AK4: variants seen among roughly 807,000 people sequenced by gnomAD.
AK4 encodes the protein adenylate kinase 4, mitochondrial.
Under a neutral mutation model 24.6 loss-of-function variants are expected in AK4, and 13 were observed. The ratio of observed to expected loss-of-function variants is 0.53; its 90% CI spans 0.34 to 0.84. The LOEUF is 0.84. Ranked by LOEUF, AK4 falls within the 40% of genes least tolerant of loss-of-function variation. The pLI, the probability that AK4 is intolerant of heterozygous loss-of-function variation, is 0.01. For missense variants in AK4, 192 were observed against 288.2 expected (o/e 0.67, Z 2.42); for synonymous variants, 88 against 107.0 (o/e 0.82, Z 1.10).
intron 1 of AK4, among the ~76,000 whole-genome samples, chr1:65,172,700 C>G (rs1017678430): frequency 1.3e-4 from 20 of 152,172 alleles, no homozygotes; most frequent in African/African-American, 4.6e-4. Context: ...AAAGCAAAAT[C>G]TGGCAGAGTT....
chr1:65,167,460 ATTT>A (rs565198195), intron 1 of AK4, among the ~76,000 whole-genome samples: 4 of 144,314 alleles, frequency 2.8e-5, no homozygotes, highest in African/African-American at 1.0e-4. Context: ...AGGGAGATAG[ATTT>A]TTTTTTTTTT....
intron 1 of AK4, among the ~76,000 whole-genome samples, chr1:65,175,604 C>T (rs999821575): frequency 1.3e-5 from 2 of 152,192 alleles, no homozygotes; most frequent in African/African-American, 2.4e-5. Flanking sequence ...GCGTCTAGTA[C>T]TTGGGCTGTG....
At chr1:65,224,017 A>G (rs1652378044) in intron 3 of AK4, among the ~76,000 whole-genome samples, 1 of 152,184 alleles carries the variant, frequency 6.6e-6, no homozygotes. Context: ...AATAAAATAA[A>G]ACCTGTATTA....
chr1:65,155,371 G>A (rs1392912893), intron 1 of AK4, among the ~76,000 whole-genome samples: 1 of 152,076 alleles, frequency 6.6e-6, no homozygotes, highest in Non-Finnish European at 1.5e-5. Flanking sequence ...TACTTAAGAG[G>A]CTGAGGCAGG....
chr1:65,180,753 A>G (rs1650874699), intron 1 of AK4, among the ~76,000 whole-genome samples: 1 of 152,234 alleles, frequency 6.6e-6, no homozygotes, highest in Non-Finnish European at 1.5e-5. Context: ...TTGAAGAATT[A>G]TAAAGCTCTA....
At chr1:65,217,881 T>C (rs1241826938) in intron 2 of AK4, among the ~76,000 whole-genome samples, 1 of 152,222 alleles carries the variant, frequency 6.6e-6, no homozygotes, top group Non-Finnish European at 1.5e-5. Flanking sequence ...TTTTTCCAGC[T>C]TTATCGCGGT....
chr1:65,209,155 G>A (rs1651899905), intron 2 of AK4, among the ~76,000 whole-genome samples: 1 of 152,228 alleles, frequency 6.6e-6, no homozygotes, highest in Non-Finnish European at 1.5e-5. Context: ...GGGGATGAGG[G>A]ATAGCGATAG....
chr1:65,156,471 T>C (rs537345430), intron 1 of AK4, among the ~76,000 whole-genome samples: 1 of 152,364 alleles, frequency 6.6e-6, no homozygotes, highest in Non-Finnish European at 1.5e-5. Flanking sequence ...TAAAAAGATA[T>C]CTGCATTATT....
intron 1 of AK4, among the ~76,000 whole-genome samples, chr1:65,179,567 G>A (rs143335869): frequency 4.2e-4 from 64 of 152,298 alleles, no homozygotes; most frequent in Middle Eastern, 3.4e-3. Context: ...GGCCAGGTGT[G>A]GTGGCTCATG....
chr1:65,180,905 T>C (rs762881544), intron 1 of AK4, among the ~76,000 whole-genome samples: 25 of 152,204 alleles, frequency 1.6e-4, no homozygotes, highest in Non-Finnish European at 3.2e-4. Flanking sequence ...TTCTGTCCCA[T>C]ACATGCAGTC....
intron 2 of AK4, among the ~76,000 whole-genome samples, chr1:65,206,802 G>A (rs577216165): frequency 9.2e-5 from 14 of 152,310 alleles, no homozygotes; most frequent in Admixed American, 2.6e-4. Context: ...AACAAACCAC[G>A]CAGAATTCTT....
At chr1:65,190,929 T>C (rs1651286425) in intron 2 of AK4, 100 bp downstream of exon 2, 7 of 1,380,004 alleles carry the variant, frequency 5.1e-6, no homozygotes, top group Non-Finnish European at 6.7e-6. Flanking sequence ...CCTTATTTTC[T>C]AAACTTTCTG....
intron 1 of AK4, chr1:65,154,332 A>G: frequency 3.1e-6 from 1 of 321,900 alleles, no homozygotes; most frequent in Non-Finnish European, 6.4e-6. Context: ...TGAATGTGCT[A>G]TAGGGTTGAA....
At chr1:65,154,450 C>A in intron 1 of AK4, 1 of 494,258 alleles carries the variant, frequency 2.0e-6, no homozygotes, top group South Asian at 1.5e-5. Context: ...TAGCTCCTTC[C>A]TTTTATCTTG....
intron 2 of AK4, among the ~76,000 whole-genome samples, chr1:65,199,493 G>A (rs563434866): frequency 3.3e-5 from 5 of 152,276 alleles, no homozygotes; most frequent in African/African-American, 1.2e-4. Context: ...AGGTTGCAGT[G>A]AGCCGAGATC....
chr1:65,157,284 G>C (rs1355381173), intron 1 of AK4, among the ~76,000 whole-genome samples: 1 of 152,184 alleles, frequency 6.6e-6, no homozygotes, highest in Non-Finnish European at 1.5e-5. Flanking sequence ...GTCCCCTGTT[G>C]ATTGGAATTC....
intron 2 of AK4, among the ~76,000 whole-genome samples, chr1:65,214,267 T>A (rs1304177549): frequency 1.3e-5 from 2 of 152,158 alleles, no homozygotes; most frequent in Non-Finnish European, 2.9e-5. Flanking sequence ...TGGGCCACCA[T>A]GCCTGGCTTA....
chr1:65,225,236 C>T (rs1652417083), intron 4 of AK4, among the ~76,000 whole-genome samples: 2 of 152,122 alleles, frequency 1.3e-5, no homozygotes, highest in Non-Finnish European at 2.9e-5. Context: ...TTAGAAGACA[C>T]TTGGTGTGTC....
chr1:65,207,182 CTTT>C (rs760771064), intron 2 of AK4, among the ~76,000 whole-genome samples: 1 of 152,128 alleles, frequency 6.6e-6, no homozygotes, highest in East Asian at 1.9e-4. Flanking sequence ...TTTTTAAAGT[CTTT>C]TTCTTTTTCT....
Sources: allele counts gnomAD v4.1 joint callset (sites outside exome capture counted in the v4.1 genomes callset), GRCh38; gene constraint gnomAD v4.1.1; transcripts MANE v1.5; gene names NCBI Gene and HGNC (gene_info 2026-07-23, HGNC 2026-07-21).